F13A1: variants seen among roughly 807,000 people sequenced by gnomAD.
F13A1 encodes FSF, A subunit.
Under a neutral mutation model 80.1 loss-of-function variants are expected in F13A1, and 47 were observed. The observed-to-expected ratio is 0.59, with a 90% CI of 0.46 to 0.75. F13A1 has a LOEUF of 0.75. Among genes scored for constraint, F13A1 ranks in the 30% least tolerant of loss-of-function variants. F13A1 has a pLI of 0.00. For missense variants in F13A1, 817 were observed against 930.4 expected (o/e 0.88, Z 1.59); for synonymous variants, 349 against 344.9 (o/e 1.01, Z -0.13).
chr6:6,223,921 A>G (rs2113061854), intron 7 of F13A1, among the ~76,000 whole-genome samples: 1 of 152,342 alleles, frequency 6.6e-6, no homozygotes, highest in African/African-American at 2.4e-5. Flanking sequence ...GTGAATGAAA[A>G]TCATTACCAG....
At chr6:6,320,399 C>T (rs555172359) in intron 1 of F13A1, among the ~76,000 whole-genome samples, 188 bp downstream of exon 1, 1 of 152,324 alleles carries the variant, frequency 6.6e-6, no homozygotes, top group Admixed American at 6.5e-5. Context: ...TGAGAGAAGT[C>T]CCGCTTAGAA....
chr6:6,200,546 G>A (rs1583068528), intron 8 of F13A1, among the ~76,000 whole-genome samples: 2 of 133,050 alleles, frequency 1.5e-5, no homozygotes, highest in African/African-American at 2.9e-5. Flanking sequence ...GTGAGACCCT[G>A]TCTAAAAAAA....
At chr6:6,225,502 C>G (rs993278454) in intron 6 of F13A1, among the ~76,000 whole-genome samples, 2 of 149,894 alleles carry the variant, frequency 1.3e-5, no homozygotes, top group African/African-American at 4.9e-5. Flanking sequence ...CTTTTCTTTT[C>G]TCTCTCTCTC....
chr6:6,176,389 A>G (rs1260441460), intron 11 of F13A1, among the ~76,000 whole-genome samples: 5 of 152,204 alleles, frequency 3.3e-5, no homozygotes, highest in African/African-American at 9.6e-5. Flanking sequence ...GACAGACACT[A>G]TTATTACCAT....
rs1258152437 is a variant in F13A1, at chr6:6,199,512, A to AGT, written c.1113-2188_1113-2187dup. 7.3e-5 allele frequency among the ~76,000 whole-genome samples: 11 copies of AGT among 151,506 alleles called. No individual in the cohort carries two copies. The East Asian group carries it at 1.9e-3, about 27-fold the overall frequency. On this transcript the variant is annotated intron_variant, in intron 8 of 14. Coordinates refer to ENST00000264870, the MANE Select transcript of F13A1 (RefSeq NM_000129.4). ...CATCTCAGAAAAAAAAAAAAAGAAC[A>AGT]GTACTATTATAATTACCCCCAGTTT...
chr6:6,299,008 A>G (rs1256503203), intron 3 of F13A1, among the ~76,000 whole-genome samples: 1 of 147,510 alleles, frequency 6.8e-6, no homozygotes, highest in Admixed American at 6.7e-5. Context: ...TCACTTATGA[A>G]GCTTAGTTTG....
chr6:6,273,115 T>C (rs1055063206), intron 3 of F13A1, among the ~76,000 whole-genome samples: 1 of 152,218 alleles, frequency 6.6e-6, no homozygotes, highest in African/African-American at 2.4e-5. Flanking sequence ...AACACTCTCT[T>C]GGGGTCTGCA....
chr6:6,148,587 C>T (rs1293615020), intron 14 of F13A1, among the ~76,000 whole-genome samples: 1 of 152,170 alleles, frequency 6.6e-6, no homozygotes, highest in Non-Finnish European at 1.5e-5. Flanking sequence ...GCTCCTAGAT[C>T]AGATCTTGGC....
chr6:6,194,642 A>T (rs1761257521), intron 10 of F13A1, among the ~76,000 whole-genome samples: 1 of 152,108 alleles, frequency 6.6e-6, no homozygotes, highest in African/African-American at 2.4e-5. Flanking sequence ...TGTGCTCTCT[A>T]CATGGCCCAC....
chr6:6,252,773 T>C (rs1052375216), intron 4 of F13A1, among the ~76,000 whole-genome samples: 1 of 152,190 alleles, frequency 6.6e-6, no homozygotes, highest in Non-Finnish European at 1.5e-5. Flanking sequence ...AATTAGTCTA[T>C]ATGACCAATG....
chr6:6,295,297 C>T (rs1245137496), intron 3 of F13A1, among the ~76,000 whole-genome samples: 9 of 148,686 alleles, frequency 6.1e-5, no homozygotes, highest in Non-Finnish European at 1.3e-4. Context: ...ATTTCTAGTT[C>T]TAGATCTCTG....
intron 8 of F13A1, chr6:6,206,341 C>T (rs750752459): frequency 4.4e-5 from 17 of 387,610 alleles, no homozygotes; most frequent in African/African-American, 8.4e-5. Context: ...AACCTTCTAA[C>T]GGTATATATG....
chr6:6,285,965 T>C (rs1758134244), intron 3 of F13A1, among the ~76,000 whole-genome samples: 1 of 152,220 alleles, frequency 6.6e-6, no homozygotes, highest in African/African-American at 2.4e-5. Context: ...CATCAAGTGG[T>C]CACGAGTACA....
intron 10 of F13A1, among the ~76,000 whole-genome samples, chr6:6,187,515 G>A (rs2151079050): frequency 1.1e-5 from 1 of 95,222 alleles, no homozygotes; most frequent in Admixed American, 1.1e-4. Flanking sequence ...TTTATATGCT[G>A]GATTACATTT....
chr6:6,217,678 TAATAAAAATAAATAAA>T (rs1439452002), intron 8 of F13A1, among the ~76,000 whole-genome samples: 1 of 151,850 alleles, frequency 6.6e-6, no homozygotes, highest in African/African-American at 2.4e-5. Flanking sequence ...TAAAGTATAA[TAATAAAAATAAATAAA>T]AATAAAAATA....
intron 13 of F13A1, among the ~76,000 whole-genome samples, chr6:6,166,775 A>G (rs1760682092): frequency 6.6e-6 from 1 of 152,234 alleles, no homozygotes; most frequent in Admixed American, 6.5e-5. Flanking sequence ...CCATTTGGGC[A>G]GAGATTTCTG....
At chr6:6,158,920 G>A (rs1192224897) in intron 13 of F13A1, among the ~76,000 whole-genome samples, 3 of 58,752 alleles carry the variant, frequency 5.1e-5, no homozygotes, top group South Asian at 5.1e-4. Flanking sequence ...TTTTTTTTTC[G>A]AGACGGAGTC....
chr6:6,268,825 A>G (rs554583002), intron 3 of F13A1, among the ~76,000 whole-genome samples: 2 of 151,582 alleles, frequency 1.3e-5, no homozygotes, highest in Admixed American at 6.6e-5. Context: ...AGTAGCTGGG[A>G]TTACAGGCAC....
chr6:6,313,986 C>CTTTTTT (rs10690734), intron 2 of F13A1, among the ~76,000 whole-genome samples: 3 of 142,116 alleles, frequency 2.1e-5, no homozygotes, highest in Non-Finnish European at 4.5e-5. Flanking sequence ...TCTCCTTACT[C>CTTTTTT]TTTTTTTTTT....
Sources: allele counts gnomAD v4.1 joint callset (sites outside exome capture counted in the v4.1 genomes callset), GRCh38; gene constraint gnomAD v4.1.1; transcripts MANE v1.5; gene names NCBI Gene and HGNC (gene_info 2026-07-23, HGNC 2026-07-21).